ADGRV1: variants seen among roughly 807,000 people sequenced by gnomAD.
ADGRV1 encodes the protein G-protein coupled receptor 98.
ADGRV1 carries 359 observed loss-of-function variants against 596.2 expected under a neutral mutation model. The observed-to-expected ratio is 0.60, with a 90% CI of 0.55 to 0.66. The LOEUF is 0.66. ADGRV1 is among the 30% of genes least tolerant of loss of function. The pLI is 0.00. For synonymous variants in ADGRV1, 2,681 were observed against 2,679.2 expected (o/e 1.00, Z -0.02); for missense variants, 7,274 against 7,575.6 (o/e 0.96, Z 1.48).
rs763813268 is a variant in ADGRV1, at chr5:90,724,879, T to A, written c.9796T>A (p.Ser3266Thr). The change falls in exon 46 of 90, where the codon TCA becomes ACA. Residue 3266 changes from serine (S) to threonine (T), a missense_variant. Coordinates refer to ENST00000405460, the MANE Select transcript of ADGRV1 (RefSeq NM_032119.4). ...FSVFQSFLDESASGWCFFTLE... is the reference protein window; with the variant it reads ...FSVFQSFLDETASGWCFFTLE... ...CGTATTTCAAAGTTTTTTGGATGAA[T>A]CAGCTTCTGGCTGGTGTTTCTTTAC... 1 of 1,613,026 alleles carries A rather than the reference T, an allele frequency of 6.2e-7. No individual in the cohort carries two copies. Among genetic ancestry groups the A allele is most frequent in the Non-Finnish European group, 8.5e-7 (1 of 1,179,356 alleles).
Position 90,667,921 on chromosome 5 carries a change from CGGGGGTCA to C in ADGRV1, c.4753-4620_4753-4613del, listed in dbSNP as rs1402418624. Among the ~76,000 whole-genome samples the C allele has an allele frequency of 2.6e-5, 4 of 151,562 alleles. No individual in the cohort carries two copies. The East Asian group carries it at 5.8e-4, about 22-fold the overall frequency. The stretch of plus-strand genomic sequence containing the variant: ...GGGGGTGCCTCCCAGTTAGGCTGCT[CGGGGGTCA>C]GGGGTCAGGCACCCACTTGAGGAGG... On this transcript the variant is annotated intron_variant, in intron 21 of 89. Transcript: ENST00000405460.
chr5:91,040,985 G>A (rs1785292027), intron 85 of ADGRV1, among the ~76,000 whole-genome samples: 1 of 152,130 alleles, frequency 6.6e-6, no homozygotes, highest in South Asian at 2.1e-4. Context: ...TTTAAGTGAT[G>A]ATGTGATTGA....
chr5:90,914,166 T>C (rs562573810), intron 83 of ADGRV1, among the ~76,000 whole-genome samples: 16 of 152,288 alleles, frequency 1.1e-4, no homozygotes, highest in African/African-American at 3.1e-4. Context: ...ATTGTACTTA[T>C]CAGTTGAACA....
intron 1 of ADGRV1, among the ~76,000 whole-genome samples, chr5:90,612,718 A>G (rs749708044): frequency 1.2e-4 from 19 of 152,072 alleles, no homozygotes; most frequent in Non-Finnish European, 2.5e-4. Flanking sequence ...TTTCTTCCGA[A>G]TGCACAAAAT....
intron 85 of ADGRV1, among the ~76,000 whole-genome samples, chr5:91,042,774 G>A (rs1785474312): frequency 6.6e-6 from 1 of 152,160 alleles, no homozygotes; most frequent in African/African-American, 2.4e-5. Context: ...AATTATGGAT[G>A]TCAGGATTTT....
chr5:90,678,639 GT>G (rs1448535934), intron 25 of ADGRV1, among the ~76,000 whole-genome samples: 1 of 146,592 alleles, frequency 6.8e-6, no homozygotes, highest in Non-Finnish European at 1.5e-5. Flanking sequence ...ACATAATAAC[GT>G]AGTGGAAGGC....
intron 83 of ADGRV1, among the ~76,000 whole-genome samples, chr5:90,878,628 T>G (rs1315853702): frequency 6.6e-6 from 1 of 152,212 alleles, no homozygotes; most frequent in Non-Finnish European, 1.5e-5. Context: ...TTCTAAAAAA[T>G]GCCTCTATGT....
At chr5:90,858,365 C>G (rs1192573604) in intron 82 of ADGRV1, among the ~76,000 whole-genome samples, 1 of 152,128 alleles carries the variant, frequency 6.6e-6, no homozygotes, top group Non-Finnish European at 1.5e-5. Context: ...GTCAAGGAAG[C>G]CTACTCTGCC....
At position 90,791,148 on chromosome 5, in the gene ADGRV1, A is replaced by G. The variant is rs201953675; in HGVS notation, c.14319A>G (p.Ile4773Met). The G allele has an allele frequency of 7.6e-5, 122 of 1,613,960 alleles. No individual in the cohort carries two copies. In the East Asian group the frequency reaches 2.7e-3, roughly 36 times the overall value. Residue 4773 changes from isoleucine (I) to methionine (M), a missense_variant, in exon 70 of 90, where the codon ATA (isoleucine) becomes ATG (methionine). Ile to Met is a conservative substitution (Grantham distance 10, BLOSUM62 1). This residue lies in a region of ADGRV1 where 1,874 missense variants were observed against 1,970.2 expected (regional missense o/e 0.95). Transcript: ENST00000405460. ...CCCTGTATTCGGATCGCCAGTCAATACTTATTGGGCAGAACCTTATTAGAT... is the reference window on the plus strand; with the variant it reads ...CCCTGTATTCGGATCGCCAGTCAATGCTTATTGGGCAGAACCTTATTAGAT... ...VFALYSDRQS[I>M]LIGQNLIRSI... is the part of the protein sequence containing the mutation.
chr5:90,594,346 G>A (rs1017731178), intron 1 of ADGRV1, among the ~76,000 whole-genome samples: 3 of 151,974 alleles, frequency 2.0e-5, no homozygotes, highest in Admixed American at 6.6e-5. Context: ...TTCCCCCTTC[G>A]CTCAGCACTT....
intron 33 of ADGRV1, among the ~76,000 whole-genome samples, chr5:90,695,413 G>A (rs776347052): frequency 3.5e-4 from 53 of 151,980 alleles, no homozygotes; most frequent in Non-Finnish European, 7.2e-4. Flanking sequence ...TCTGGGTGTG[G>A]GACAGGTATC....
At chr5:91,138,530 A>G (rs1402542950) in intron 87 of ADGRV1, among the ~76,000 whole-genome samples, 1 of 152,186 alleles carries the variant, frequency 6.6e-6, no homozygotes, top group Non-Finnish European at 1.5e-5. Flanking sequence ...GAAAATAGCA[A>G]CAAAAAGATA....
chr5:91,088,781 A>G (rs920141828), intron 86 of ADGRV1, among the ~76,000 whole-genome samples: 14 of 151,954 alleles, frequency 9.2e-5, no homozygotes, highest in African/African-American at 3.1e-4. Context: ...TAAAAAAGAG[A>G]AAAAAAATCC....
chr5:90,869,397 T>TA lies in ADGRV1; in HGVS notation c.17856+5541dup, dbSNP rs199825995. Reference sequence around the variant, plus strand: ...CCATTGTCTGAGAACCATGAGGAGTTACAGAGTCACCAATGGAGTTAGTCC... The same window carrying TA: ...CCATTGTCTGAGAACCATGAGGAGTTAACAGAGTCACCAATGGAGTTAGTCC... On this transcript the variant is annotated intron_variant, in intron 83 of 89. Coordinates refer to ENST00000405460, the MANE Select transcript of ADGRV1 (RefSeq NM_032119.4). Among the ~76,000 whole-genome samples the TA allele has an allele frequency of 1.1e-3, 161 of 152,214 alleles. No homozygotes were observed. The East Asian group carries it at 0.013, about 13-fold the overall frequency.
intron 31 of ADGRV1, among the ~76,000 whole-genome samples, chr5:90,691,314 CATAT>C (rs34877452): frequency 6.7e-6 from 1 of 148,950 alleles, no homozygotes. Context: ...AGGTTAAATA[CATAT>C]ATATATATGT....
chr5:90,988,493 T>C (rs1780680260), intron 85 of ADGRV1, among the ~76,000 whole-genome samples: 1 of 152,182 alleles, frequency 6.6e-6, no homozygotes, highest in Non-Finnish European at 1.5e-5. Context: ...CCCCTGTACG[T>C]TGTTATCTAT....
chr5:90,877,870 C>T (rs2150526857), intron 83 of ADGRV1, among the ~76,000 whole-genome samples: 1 of 151,868 alleles, frequency 6.6e-6, no homozygotes, highest in South Asian at 2.1e-4. Context: ...CTCTTACATG[C>T]CCTTTCGTGA....
At chr5:90,849,702 C>G (rs1374455353) in intron 79 of ADGRV1, among the ~76,000 whole-genome samples, 1 of 152,048 alleles carries the variant, frequency 6.6e-6, no homozygotes, top group Non-Finnish European at 1.5e-5. Context: ...ATGTTAGTTC[C>G]TAGGTCACAA....
intron 85 of ADGRV1, among the ~76,000 whole-genome samples, chr5:91,065,162 G>C (rs1050461002): frequency 6.6e-6 from 1 of 152,170 alleles, no homozygotes; most frequent in Non-Finnish European, 1.5e-5. Context: ...ATCATCCCAT[G>C]TACTCCCCAT....
Sources: allele counts gnomAD v4.1 joint callset (sites outside exome capture counted in the v4.1 genomes callset), GRCh38; gene constraint gnomAD v4.1.1; regional missense constraint gnomAD v4.1.1; transcripts MANE v1.5; gene names NCBI Gene and HGNC (gene_info 2026-07-23, HGNC 2026-07-21).